The following SLC6A11 variants were observed in gnomAD, a reference collection of about 807,000 sequenced individuals.
The protein encoded by SLC6A11 is solute carrier family 6 member 11.
A neutral mutation model predicts 74.8 loss-of-function variants in SLC6A11; 25 were observed. The observed-to-expected ratio is 0.33, with a 90% CI of 0.24 to 0.47. SLC6A11 has a LOEUF of 0.47. SLC6A11 is among the 20% of genes least tolerant of loss of function. The pLI is 1.00. For synonymous variants in SLC6A11, 330 were observed against 330.2 expected (o/e 1.00, Z 0.01); for missense variants, 574 against 837.0 (o/e 0.69, Z 3.88).
chr3:10,884,542 C>T (rs539207063), intron 6 of SLC6A11, among the ~76,000 whole-genome samples: 1 of 152,292 alleles, frequency 6.6e-6, no homozygotes, highest in South Asian at 2.1e-4. Context: ...GCTTGCACAG[C>T]CAGCAGCTGA....
At chr3:10,841,872 C>T (rs930499608) in intron 4 of SLC6A11, among the ~76,000 whole-genome samples, 1 of 152,190 alleles carries the variant, frequency 6.6e-6, no homozygotes, top group African/African-American at 2.4e-5. Flanking sequence ...TACACCCTGG[C>T]TCAGTAGGGA....
intron 5 of SLC6A11, among the ~76,000 whole-genome samples, chr3:10,863,348 A>T (rs1694725352): frequency 6.6e-6 from 1 of 152,230 alleles, no homozygotes. Context: ...TACATCTACC[A>T]AGAGAGGTGG....
intron 6 of SLC6A11, among the ~76,000 whole-genome samples, chr3:10,906,186 C>T (rs1695300084): frequency 6.6e-6 from 1 of 152,074 alleles, no homozygotes; most frequent in African/African-American, 2.4e-5. Flanking sequence ...TCACCTCCAG[C>T]CAAGATCAAT....
intron 6 of SLC6A11, among the ~76,000 whole-genome samples, chr3:10,904,688 G>T (rs1026785041): frequency 6.6e-6 from 1 of 152,098 alleles, no homozygotes; most frequent in Non-Finnish European, 1.5e-5. Flanking sequence ...TTGAGGTGGG[G>T]TTGCCTTTGT....
chr3:10,886,847 C>G (rs1228890723), intron 6 of SLC6A11, among the ~76,000 whole-genome samples: 3 of 151,952 alleles, frequency 2.0e-5, no homozygotes, highest in Admixed American at 2.0e-4. Context: ...ACCCTATGAC[C>G]TAACAAAGCC....
intron 10 of SLC6A11, among the ~76,000 whole-genome samples, chr3:10,932,921 T>C (rs1177060925): frequency 6.6e-6 from 1 of 151,920 alleles, no homozygotes; most frequent in African/African-American, 2.4e-5. Context: ...AGTGAGGGGC[T>C]GAGACAAGAC....
intron 6 of SLC6A11, among the ~76,000 whole-genome samples, chr3:10,895,835 AC>A (rs1695164805): frequency 6.6e-6 from 1 of 151,876 alleles, no homozygotes; most frequent in Non-Finnish European, 1.5e-5. Flanking sequence ...GGGGCTTACT[AC>A]CTAGGTGATG....
chr3:10,928,732 C>T (rs771738418), intron 9 of SLC6A11, among the ~76,000 whole-genome samples: 5 of 152,150 alleles, frequency 3.3e-5, no homozygotes, highest in African/African-American at 7.2e-5. Flanking sequence ...GTCCCAACCC[C>T]GGAGACCACA....
intron 6 of SLC6A11, among the ~76,000 whole-genome samples, chr3:10,887,978 T>C (rs955985984): frequency 3.9e-5 from 6 of 152,324 alleles, no homozygotes; most frequent in African/African-American, 1.2e-4. Flanking sequence ...ATTTCATTCA[T>C]TGGTCTGGAG....
chr3:10,873,137 G>A (rs952705724), intron 5 of SLC6A11, among the ~76,000 whole-genome samples: 6 of 152,188 alleles, frequency 3.9e-5, no homozygotes, highest in African/African-American at 1.4e-4. Flanking sequence ...TACAGTCCCT[G>A]CGGGCCTTGA....
intron 6 of SLC6A11, among the ~76,000 whole-genome samples, chr3:10,889,340 G>A (rs148815934): frequency 6.6e-6 from 1 of 151,984 alleles, no homozygotes; most frequent in South Asian, 2.1e-4. Context: ...GGGTTTGGAG[G>A]TACCTCCAAA....
chr3:10,841,736 C>T (rs1694440072), intron 4 of SLC6A11, among the ~76,000 whole-genome samples: 1 of 152,254 alleles, frequency 6.6e-6, no homozygotes. Flanking sequence ...TCCCTCTGTC[C>T]CTAAGTGGGT....
At chr3:10,818,070 T>TTC (rs201718551) in intron 1 of SLC6A11, among the ~76,000 whole-genome samples, 27 of 89,544 alleles carry the variant, frequency 3.0e-4, no homozygotes, top group Non-Finnish European at 2.9e-4. Context: ...TGTCACAGAT[T>TTC]TTTTTTTTTT....
At chr3:10,919,478 C>A (rs1695506968) in intron 8 of SLC6A11, among the ~76,000 whole-genome samples, 1 of 152,196 alleles carries the variant, frequency 6.6e-6, no homozygotes, top group Admixed American at 6.5e-5. Flanking sequence ...ACCTCCCTCT[C>A]AAGCCCCAGT....
chr3:10,898,330 C>T (rs1038431062), intron 6 of SLC6A11, among the ~76,000 whole-genome samples: 11 of 152,236 alleles, frequency 7.2e-5, no homozygotes, highest in Non-Finnish European at 1.5e-4. Flanking sequence ...TCTTTTCTAT[C>T]ACATTACTAC....
At chr3:10,885,415 T>G (rs990745641) in intron 6 of SLC6A11, among the ~76,000 whole-genome samples, 3 of 152,038 alleles carry the variant, frequency 2.0e-5, no homozygotes, top group Non-Finnish European at 4.4e-5. Context: ...TTAGGATGAG[T>G]GTAAAGTCGT....
chr3:10,833,427 A>G lies in SLC6A11; in HGVS notation c.623+10035A>G, dbSNP rs114444406. On this transcript the variant is annotated intron_variant, in intron 4 of 13. Transcript: ENST00000254488. ...ACCCAAGGTCTATTTGCCCTAAGCCATCAATGCCAGGGATGGCTCCTTGCC... is the reference window on the plus strand; with the variant it reads ...ACCCAAGGTCTATTTGCCCTAAGCCGTCAATGCCAGGGATGGCTCCTTGCC... Among the ~76,000 whole-genome samples, 309 of 152,328 alleles carry G rather than the reference A, an allele frequency of 2.0e-3. 1 individual carries two copies. Among genetic ancestry groups the G allele is most frequent in the African/African-American group, 7.2e-3 (299 of 41,566 alleles).
intron 4 of SLC6A11, among the ~76,000 whole-genome samples, chr3:10,837,809 T>G (rs2106581502): frequency 6.6e-6 from 1 of 152,336 alleles, no homozygotes; most frequent in Non-Finnish European, 1.5e-5. Flanking sequence ...TAGGGGCCCC[T>G]GCCGTGGACT....
chr3:10,821,664 G>T (rs1694139544), intron 3 of SLC6A11, among the ~76,000 whole-genome samples: 1 of 152,154 alleles, frequency 6.6e-6, no homozygotes, highest in Non-Finnish European at 1.5e-5. Flanking sequence ...CTGTAGTATA[G>T]TTGGTATTTA....
Sources: allele counts gnomAD v4.1 joint callset (sites outside exome capture counted in the v4.1 genomes callset), GRCh38; gene constraint gnomAD v4.1.1; transcripts MANE v1.5; gene names NCBI Gene and HGNC (gene_info 2026-07-23, HGNC 2026-07-21).